OLFM2: variants seen among roughly 807,000 people sequenced by gnomAD.
OLFM2 encodes the protein noelin-2.
A neutral mutation model predicts 43.9 loss-of-function variants in OLFM2; 20 were observed. The observed-to-expected ratio is 0.46, with a 90% CI of 0.32 to 0.66. OLFM2 has a LOEUF of 0.66. OLFM2 is among the 30% of genes least tolerant of loss of function. The pLI, the probability that OLFM2 is intolerant of heterozygous loss-of-function variation, is 0.04. For missense variants in OLFM2, 416 were observed against 643.6 expected, an observed-to-expected ratio of 0.65 and a Z score of 3.83; for synonymous variants, 268 against 278.6, an observed-to-expected ratio of 0.96 and a Z score of 0.38.
chr19:9,874,909 C>T (rs984220696), intron 1 of OLFM2, among the ~76,000 whole-genome samples: 4 of 152,154 alleles, frequency 2.6e-5, no homozygotes, highest in South Asian at 4.1e-4. Flanking sequence ...ACACTGCACC[C>T]GTCCCCTAAT....
intron 1 of OLFM2, among the ~76,000 whole-genome samples, chr19:9,919,969 A>ATT (rs572250241): frequency 2.3e-5 from 3 of 130,920 alleles, no homozygotes; most frequent in African/African-American, 5.5e-5. Flanking sequence ...TAATTTTTGT[A>ATT]TTTTTTTTTT....
rs571217541 is a variant in OLFM2 at position 9,923,681 on chromosome 19, AAAG to A, written c.63+12620_63+12622del. 4.9e-3 allele frequency among the ~76,000 whole-genome samples: 745 copies of A among 151,968 alleles called. 4 individuals carry two copies. The highest frequency in any genetic ancestry group is 7.0e-3 in the Non-Finnish European group (476 of 67,966). ...AAGAAAAGAAAGAAAAAAGAAAAGA[AAAG>A]AAAGAAAAAAGAAAAGAAAAGAGTG... On this transcript the variant is annotated intron_variant, in intron 1 of 5. Transcript: ENST00000264833.
intron 1 of OLFM2, among the ~76,000 whole-genome samples, chr19:9,884,754 C>T (rs761440828): frequency 1.8e-4 from 28 of 152,120 alleles, no homozygotes; most frequent in Non-Finnish European, 8.8e-5. Flanking sequence ...TATTCTTTTC[C>T]TTGCATGGTG....
chr19:9,919,789 ATTTTTT>A (rs750249042), intron 1 of OLFM2, among the ~76,000 whole-genome samples: 13 of 90,578 alleles, frequency 1.4e-4, no homozygotes, highest in African/African-American at 6.2e-4. Context: ...GACCACTGCC[ATTTTTT>A]TTTTTTTTTT....
Position 9,882,565 on chromosome 19 carries a change from T to C in OLFM2, c.64-21771A>G, listed in dbSNP as rs371595274. Among the ~76,000 whole-genome samples the C allele has an allele frequency of 9.9e-5, 15 of 150,836 alleles. No homozygotes were observed. In the East Asian group the frequency reaches 2.8e-3, roughly 28 times the overall value. On this transcript the variant is annotated intron_variant, in intron 1 of 5. Coordinates refer to ENST00000264833, the MANE Select transcript of OLFM2 (RefSeq NM_058164.4). ...AAAAAAGAATTAAATACATGAATTT[T>C]TGGGGGGTGGAAACACACAATTCAG... is the stretch of plus-strand genomic sequence containing the variant.
At chr19:9,914,049 C>A (rs1181555200) in intron 1 of OLFM2, among the ~76,000 whole-genome samples, 1 of 150,830 alleles carries the variant, frequency 6.6e-6, no homozygotes, top group Admixed American at 6.6e-5. Context: ...ACCACCACCG[C>A]GGTGGCATTC....
chr19:9,920,958 G>A (rs763649555), intron 1 of OLFM2, among the ~76,000 whole-genome samples: 2 of 151,718 alleles, frequency 1.3e-5, no homozygotes, highest in Admixed American at 6.6e-5. Context: ...TAAAAAACTC[G>A]TAACTGTTGG....
intron 1 of OLFM2, among the ~76,000 whole-genome samples, chr19:9,871,853 G>T (rs1351536619): frequency 6.6e-6 from 1 of 152,176 alleles, no homozygotes; most frequent in Non-Finnish European, 1.5e-5. Context: ...CCTGGCACAA[G>T]GTATGTTTGT....
intron 2 of OLFM2, chr19:9,858,074 G>A: frequency 1.6e-6 from 1 of 635,284 alleles, no homozygotes; most frequent in Non-Finnish European, 2.9e-6. Context: ...CTCCCATCTG[G>A]TCCACCTACC....
intron 1 of OLFM2, among the ~76,000 whole-genome samples, chr19:9,884,276 TAA>T (rs4044581): frequency 0.79 from 103,736 of 131,046 alleles, 41,916 homozygotes; most frequent in Non-Finnish European, 0.89. Flanking sequence ...TCTCAAAAAT[TAA>T]AAAAAAAAAA....
At chr19:9,896,442 G>T (rs1445361087) in intron 1 of OLFM2, among the ~76,000 whole-genome samples, 1 of 152,126 alleles carries the variant, frequency 6.6e-6, no homozygotes, top group Non-Finnish European at 1.5e-5. Flanking sequence ...CTGTTACCCA[G>T]GCTGGAGTGC....
chr19:9,910,218 A>C (rs1414974189), intron 1 of OLFM2, among the ~76,000 whole-genome samples: 1 of 152,122 alleles, frequency 6.6e-6, no homozygotes, highest in Non-Finnish European at 1.5e-5. Context: ...TAATAATATT[A>C]ATAATAATAA....
chr19:9,860,477 GAA>G (rs34449861), intron 2 of OLFM2, among the ~76,000 whole-genome samples, 166 bp downstream of exon 2: 3 of 137,996 alleles, frequency 2.2e-5, no homozygotes, highest in African/African-American at 2.7e-5. Flanking sequence ...GTGTTAAAAG[GAA>G]AAAAAAAAAA....
intron 1 of OLFM2, among the ~76,000 whole-genome samples, chr19:9,875,279 T>C (rs1370988681): frequency 1.3e-5 from 2 of 152,162 alleles, no homozygotes; most frequent in Non-Finnish European, 2.9e-5. Flanking sequence ...TCTAGCAAGA[T>C]GGGGTTTCTT....
chr19:9,910,139 T>C (rs1173221984), intron 1 of OLFM2, among the ~76,000 whole-genome samples: 1 of 152,010 alleles, frequency 6.6e-6, no homozygotes, highest in Non-Finnish European at 1.5e-5. Context: ...GAGTTCCAGA[T>C]GTTAGTGAGC....
At position 9,902,026 on chromosome 19, in the gene OLFM2, C is replaced by CTATATATATA. The variant is rs146963521; in HGVS notation, c.63+34268_63+34277dup. On this transcript the variant is annotated intron_variant, in intron 1 of 5. Transcript: ENST00000264833. ...CCTGCGTAATCACTTTATATACTGA[C>CTATATATATA]TATATATATATATATATTTCGAGAT... Among the ~76,000 whole-genome samples, 897 of 150,142 alleles carry CTATATATATA rather than the reference C, an allele frequency of 6.0e-3. 9 individuals carry two copies. The highest frequency in any genetic ancestry group is 0.021 in the African/African-American group (858 of 40,922).
At chr19:9,913,463 C>T (rs1254070935) in intron 1 of OLFM2, 5 of 1,057,930 alleles carry the variant, frequency 4.7e-6, no homozygotes, top group Middle Eastern at 4.3e-4. Context: ...GGGAGCGCCC[C>T]CCGCGCGGCG....
At chr19:9,897,745 C>A (rs372647196) in intron 1 of OLFM2, among the ~76,000 whole-genome samples, 2 of 152,064 alleles carry the variant, frequency 1.3e-5, no homozygotes, top group East Asian at 3.9e-4. Context: ...GTGACCAAGA[C>A]AATTCAGGCT....
chr19:9,929,916 G>A (rs879662322), intron 1 of OLFM2, among the ~76,000 whole-genome samples: 8 of 152,086 alleles, frequency 5.3e-5, no homozygotes, highest in South Asian at 2.1e-4. Context: ...GTGCATGCCC[G>A]TAATCCCAGC....
Sources: allele counts gnomAD v4.1 joint callset (sites outside exome capture counted in the v4.1 genomes callset), GRCh38; gene constraint gnomAD v4.1.1; transcripts MANE v1.5; gene names NCBI Gene and HGNC (gene_info 2026-07-23, HGNC 2026-07-21).